ZBTB45: variants seen among roughly 807,000 people sequenced by gnomAD.
ZBTB45 encodes zinc finger and BTB domain-containing protein 45.
A neutral mutation model predicts 28.4 loss-of-function variants in ZBTB45; 22 were observed. The ratio of observed to expected loss-of-function variants is 0.77; its 90% CI spans 0.55 to 1.10. The LOEUF (loss-of-function observed/expected upper bound fraction) is 1.10, where lower values mean the gene tolerates loss of function less well. Among genes scored for constraint, ZBTB45 ranks in the 50% least tolerant of loss-of-function variants. The pLI, the probability that ZBTB45 is intolerant of heterozygous loss-of-function variation, is 0.00. For missense variants in ZBTB45, 656 were observed against 750.2 expected (o/e 0.87, Z 1.47); for synonymous variants, 361 against 332.3 (o/e 1.09, Z -0.94).
Position 58,514,194 on chromosome 19 carries a change from T to G in ZBTB45, c.1396A>C (p.Lys466Gln). 6.2e-7 allele frequency: 1 copy of G among 1,612,606 alleles called. No individual in the cohort carries two copies. The highest frequency in any genetic ancestry group is 8.5e-7 in the Non-Finnish European group (1 of 1,179,658). ...AGCGAGCTCTTCTGCGTGAAGCGCT[T>G]GGCGCAGACGGCGCACTGGAAGGCG... ...VRAFQCAVCAKRFTQKSSLNV... is the reference protein window; with the variant it reads ...VRAFQCAVCAQRFTQKSSLNV... Residue 466 changes from lysine (K) to glutamine (Q), a missense_variant, in exon 3 of 3, where the codon AAG becomes CAG. Physicochemically the swap from Lys to Gln is moderately conservative, Grantham distance 53 (BLOSUM62 1). Coordinates refer to ENST00000594051, the MANE Select transcript of ZBTB45 (RefSeq NM_001316979.2).
At chr19:58,523,405 G>A (rs948151436), upstream of ZBTB45, among the ~76,000 whole-genome samples, 25 of 151,686 alleles carry the variant, frequency 1.6e-4, no homozygotes, top group Non-Finnish European at 2.1e-4. Context: ...AATTGGCCGA[G>A]CACGGTGGCT....
At chr19:58,524,234 G>T (rs1815049211), upstream of ZBTB45, among the ~76,000 whole-genome samples, 1 of 149,380 alleles carries the variant, frequency 6.7e-6, no homozygotes, top group Admixed American at 6.7e-5. Flanking sequence ...TGGTGGTGGT[G>T]GGCCCCTATA....
intron 1 of ZBTB45, among the ~76,000 whole-genome samples, chr19:58,531,228 G>C (rs945543471): frequency 2.0e-5 from 3 of 152,178 alleles, no homozygotes; most frequent in Non-Finnish European, 4.4e-5. Flanking sequence ...GCATTTCCCT[G>C]ATGAACACTG....
At chr19:58,538,300 A>C (rs2053671923) in intron 1 of ZBTB45, among the ~76,000 whole-genome samples, 1 of 151,180 alleles carries the variant, frequency 6.6e-6, no homozygotes, top group African/African-American at 2.4e-5. Flanking sequence ...ACTGCAGCCA[A>C]CTCCTGGGCT....
chr19:58,536,289 CCCCGTCT>C (rs994916537), intron 1 of ZBTB45, among the ~76,000 whole-genome samples: 24 of 151,922 alleles, frequency 1.6e-4, no homozygotes, highest in Admixed American at 1.2e-3. Flanking sequence ...CACGGTGAAA[CCCCGTCT>C]CCACTAAAAA....
upstream of ZBTB45, chr19:58,520,348 T>G (rs1312390292): frequency 6.6e-6 from 1 of 152,124 alleles, no homozygotes; most frequent in Non-Finnish European, 1.5e-5. Context: ...CTCACCCTGC[T>G]CTGGGCCTCC....
At chr19:58,524,833 A>T (rs968145074) in intron 1 of ZBTB45, among the ~76,000 whole-genome samples, 1 of 150,556 alleles carries the variant, frequency 6.6e-6, no homozygotes, top group Non-Finnish European at 1.5e-5. Flanking sequence ...CAGTGAGCCG[A>T]GATTGCGCCA....
upstream of ZBTB45, among the ~76,000 whole-genome samples, chr19:58,524,435 A>ATGTG (rs56704623): frequency 0.064 from 8,849 of 138,180 alleles, 428 homozygotes; most frequent in African/African-American, 0.14. Context: ...GTGTTCATAT[A>ATGTG]TGTGTGTGTG....
chr19:58,533,808 G>A (rs936829890), intron 1 of ZBTB45, among the ~76,000 whole-genome samples: 8 of 152,134 alleles, frequency 5.3e-5, no homozygotes, highest in Admixed American at 4.6e-4. Flanking sequence ...AGCCACATAC[G>A]GTATTGCCCA....
chr19:58,516,696 C>T lies in ZBTB45; in HGVS notation c.978G>A (p.Gly326=). ...GAAAGGGGAAGAGTGCAACGGGCGG[C>T]CCTGGGGTCTTCACACCAGGCGGGC... ...GSRPPGVKTP[G]PPVALFPFHL... is the part of the protein sequence containing the mutation. Residue 326 remains glycine (G), a synonymous_variant, in exon 2 of 3, where the codon GGG becomes GGA. Transcript: ENST00000594051. The surrounding 1 kb of genome is among the most constrained non-coding windows in gnomAD (Gnocchi z 6.2). The T allele has an allele frequency of 6.3e-7, 1 of 1,588,410 alleles. No homozygotes were observed. Among genetic ancestry groups the T allele is most frequent in the Non-Finnish European group, 8.6e-7 (1 of 1,166,518 alleles).
Position 58,516,124 on chromosome 19 carries a change from C to T in ZBTB45, c.1279+271G>A, listed in dbSNP as rs904579387. ...GTGCATCCCAGGCTGCTCAAGTTTCCACCACCACCCTTCCAAAGGCCAGGA... is the reference window on the plus strand; with the variant it reads ...GTGCATCCCAGGCTGCTCAAGTTTCTACCACCACCCTTCCAAAGGCCAGGA... On this transcript the variant is annotated intron_variant, in intron 2 of 2. Coordinates refer to ENST00000594051, the MANE Select transcript of ZBTB45 (RefSeq NM_001316979.2). This position sits in a 1 kb window ranked among gnomAD's most constrained non-coding sequence, Gnocchi z 6.2. 6.6e-6 allele frequency among the ~76,000 whole-genome samples: 1 copy of T among 152,130 alleles called. No homozygotes were observed. The highest frequency in any genetic ancestry group is 1.5e-5 in the Non-Finnish European group (1 of 68,018).
intron 1 of ZBTB45, among the ~76,000 whole-genome samples, chr19:58,532,562 T>C (rs532163971): frequency 6.6e-6 from 1 of 152,304 alleles, no homozygotes; most frequent in African/African-American, 2.4e-5. Flanking sequence ...TTCTTTTTTT[T>C]TGAGATGGAG....
At chr19:58,514,703 G>A (rs987599323) in intron 2 of ZBTB45, among the ~76,000 whole-genome samples, 2 of 152,006 alleles carry the variant, frequency 1.3e-5, no homozygotes, top group African/African-American at 4.8e-5. Flanking sequence ...ACATCTGTTG[G>A]CCATCTGGAC....
intron 1 of ZBTB45, among the ~76,000 whole-genome samples, chr19:58,525,810 G>A (rs2053603955): frequency 6.6e-6 from 1 of 152,176 alleles, no homozygotes; most frequent in African/African-American, 2.4e-5. Context: ...AGAGGCCTGA[G>A]AACTCCGGAA....
At chr19:58,531,067 C>G (rs2053633678) in intron 1 of ZBTB45, among the ~76,000 whole-genome samples, 1 of 152,172 alleles carries the variant, frequency 6.6e-6, no homozygotes, top group Admixed American at 6.5e-5. Flanking sequence ...AACTGCCAGG[C>G]TGTTTCCCAT....
At chr19:58,526,243 C>G (rs1173455532) in intron 1 of ZBTB45, among the ~76,000 whole-genome samples, 1 of 152,052 alleles carries the variant, frequency 6.6e-6, no homozygotes, top group African/African-American at 2.4e-5. Context: ...CAGTTTGGCT[C>G]TTGTTGTCCA....
chr19:58,538,221 CT>C (rs550208279), intron 1 of ZBTB45, among the ~76,000 whole-genome samples: 24 of 147,364 alleles, frequency 1.6e-4, no homozygotes, highest in East Asian at 1.4e-3. Flanking sequence ...CTTTTCTTTT[CT>C]TTTTTTTTTA....
Position 58,514,230 on chromosome 19 carries a change from T to C in ZBTB45, c.1360A>G (p.Thr454Ala), listed in dbSNP as rs766594341. 6.2e-7 allele frequency: 1 copy of C among 1,612,534 alleles called. No homozygotes were observed. The highest frequency in any genetic ancestry group is 8.5e-7 in the Non-Finnish European group (1 of 1,179,640). ...DYLLKHMVTH[T>A]GVRAFQCAVC... ...GCGCACTGGAAGGCGCGCACGCCGG[T>C]GTGCGTGACCATGTGTTTGAGCAGG... is the stretch of plus-strand genomic sequence containing the variant. Residue 454 changes from threonine to alanine, a missense_variant, in exon 3 of 3, where the codon ACC becomes GCC. Transcript: ENST00000594051.
Position 58,514,141 on chromosome 19 carries a change from G to C in ZBTB45, c.1449C>G (p.Pro483=). 3 of 1,604,812 alleles carry C rather than the reference G, an allele frequency of 1.9e-6. No homozygotes were observed. The highest frequency in any genetic ancestry group is 4.5e-5 in the East Asian group (2 of 44,502). ...SLNVHMRTHR[P]ERAPCPACGK... ...CGCAGGCGGGGCAGGGCGCGCGCTC[G>C]GGCCGGTGAGTGCGCATGTGCACGT... The change falls in exon 3 of 3, where the codon CCC becomes CCG. Residue 483 remains proline, a synonymous_variant. Transcript: ENST00000594051.
Sources: allele counts gnomAD v4.1 joint callset (sites outside exome capture counted in the v4.1 genomes callset), GRCh38; gene constraint gnomAD v4.1.1; non-coding constraint Gnocchi (gnomAD v3.1); transcripts MANE v1.5; gene names NCBI Gene and HGNC (gene_info 2026-07-23, HGNC 2026-07-21).